The following ZNF875 variants were observed in gnomAD, a reference collection of about 807,000 sequenced individuals.
The protein encoded by ZNF875 is zinc finger protein 875.
A neutral mutation model predicts 11.2 loss-of-function variants in ZNF875; 14 were observed. That is an observed-to-expected ratio of 1.26 (90% CI 0.83 to 1.96). ZNF875 has a LOEUF of 1.96. ZNF875 is among the 30% of genes most tolerant of loss of function. The pLI, the probability that ZNF875 is intolerant of heterozygous loss-of-function variation, is 0.00. For synonymous variants in ZNF875, 301 were observed against 281.1 expected (o/e 1.07, Z -0.71); for missense variants, 752 against 760.4 (o/e 0.99, Z 0.13).
chr19:37,317,376 C>T (rs1035948577), upstream of ZNF875, among the ~76,000 whole-genome samples: 33 of 151,792 alleles, frequency 2.2e-4, no homozygotes, highest in African/African-American at 8.0e-4. Flanking sequence ...TCAGTAGAGA[C>T]GGGGTTTCAC....
chr19:37,363,113 C>T lies in ZNF875; in HGVS notation c.1261C>T (p.Pro421Ser). The T allele has an allele frequency of 6.2e-7, 1 of 1,613,882 alleles. No individual in the cohort carries two copies. Among genetic ancestry groups the T allele is most frequent in the African/African-American group, 1.3e-5 (1 of 74,958 alleles). Residue 421 changes from proline to serine, a missense_variant, in exon 5 of 5, where the codon CCT becomes TCT. Coordinates refer to ENST00000392153, the MANE Select transcript of ZNF875 (RefSeq NM_001353803.2). ...CTTAAGGACACACACAGGAGAGAAGCCTTATGTATGCACAGAATGTGGGCG... is the reference window on the plus strand; with the variant it reads ...CTTAAGGACACACACAGGAGAGAAGTCTTATGTATGCACAGAATGTGGGCG... ...RHLRTHTGEK[P>S]YVCTECGRHF...
intron 4 of ZNF875, chr19:37,325,164 C>T (rs754295986): frequency 6.6e-6 from 1 of 152,208 alleles, no homozygotes; most frequent in African/African-American, 2.4e-5. Flanking sequence ...CTGAATAGTT[C>T]TGTATGTCAG....
chr19:37,335,127 T>G (rs1599951052), intron 1 of ZNF875, 42 bp from the exon 2 acceptor site: 1 of 681,278 alleles, frequency 1.5e-6, no homozygotes, highest in Non-Finnish European at 2.7e-6. Flanking sequence ...GTGGGGAGGG[T>G]GTTTCCACCT....
At chr19:37,317,186 T>TTTG (rs1555790007), upstream of ZNF875, 3 of 131,330 alleles carry the variant, frequency 2.3e-5, no homozygotes, top group Non-Finnish European at 4.9e-5. Context: ...CTGGTTTTTT[T>TTTG]TTTTTTTTTT....
chr19:37,342,481 C>T lies in ZNF875; in HGVS notation c.34-4709C>T, dbSNP rs571385017. Reference sequence around the variant, plus strand: ...AGGCTGGAGTGCAATGGAGCGATATCGGCTCACTGCAACCTCCACCTCCCA... The same window carrying T: ...AGGCTGGAGTGCAATGGAGCGATATTGGCTCACTGCAACCTCCACCTCCCA... On this transcript the variant is annotated intron_variant, in intron 2 of 4. Transcript: ENST00000392153. Among the ~76,000 whole-genome samples, 47 of 147,374 alleles carry T rather than the reference C, an allele frequency of 3.2e-4. No individual in the cohort carries two copies. In the South Asian group the frequency reaches 5.7e-3, roughly 18 times the overall value.
chr19:37,358,191 C>T lies in ZNF875; in HGVS notation c.257-3918C>T, dbSNP rs184670165. ...ACGGAGTCTTGCTCTGTCACCCTGG[C>T]TGGAGTGCAGTGGCGCGATCTCGGC... On this transcript the variant is annotated intron_variant, in intron 4 of 4. Coordinates refer to ENST00000392153, the MANE Select transcript of ZNF875 (RefSeq NM_001353803.2). Among the ~76,000 whole-genome samples the T allele has an allele frequency of 3.4e-3, 434 of 126,998 alleles. 5 individuals carry two copies. The highest frequency in any genetic ancestry group is 0.018 in the Admixed American group (185 of 10,166). 83.3% of individuals were successfully genotyped at this position (126,998 alleles called of 152,430 possible). A position where few individuals can be genotyped will look rare whatever the true frequency, so the allele number is the denominator to read the frequency against.
chr19:37,322,628 A>G (rs1227558199), intron 2 of ZNF875, among the ~76,000 whole-genome samples: 1 of 152,174 alleles, frequency 6.6e-6, no homozygotes, highest in African/African-American at 2.4e-5. Flanking sequence ...AAATGGTGAC[A>G]CCCAGGGTGG....
chr19:37,356,031 T>C (rs180926528), intron 4 of ZNF875, among the ~76,000 whole-genome samples: 1 of 152,208 alleles, frequency 6.6e-6, no homozygotes, highest in Non-Finnish European at 1.5e-5. Context: ...CATAGGTTAT[T>C]TGATTTTCTG....
intron 4 of ZNF875, among the ~76,000 whole-genome samples, chr19:37,350,745 A>T (rs1296125669): frequency 6.6e-6 from 1 of 150,998 alleles, no homozygotes; most frequent in Non-Finnish European, 1.5e-5. Context: ...TCTTCCCTCC[A>T]ATCTTAACCC....
At chr19:37,332,385 T>C (rs2033539978), upstream of ZNF875, among the ~76,000 whole-genome samples, 1 of 151,938 alleles carries the variant, frequency 6.6e-6, no homozygotes, top group Non-Finnish European at 1.5e-5. Flanking sequence ...CCCAGCTAAT[T>C]TTTGTATTTT....
intron 1 of ZNF875, among the ~76,000 whole-genome samples, chr19:37,319,988 G>A (rs554517440): frequency 4.6e-5 from 7 of 152,276 alleles, no homozygotes; most frequent in South Asian, 2.1e-4. Context: ...CTGGGGTCAC[G>A]CCATTCTCCT....
chr19:37,360,110 G>T (rs944563397), intron 4 of ZNF875, among the ~76,000 whole-genome samples: 1 of 152,160 alleles, frequency 6.6e-6, no homozygotes, highest in Non-Finnish European at 1.5e-5. Context: ...TGTATCAAAT[G>T]AGGTGAAAAT....
At chr19:37,315,462 C>G (rs2030140562), upstream of ZNF875, 1 of 152,218 alleles carries the variant, frequency 6.6e-6, no homozygotes, top group South Asian at 2.1e-4. Context: ...CTTCTGGACT[C>G]TGTGGCTGGA....
chr19:37,328,069 C>T (rs2032803919), intron 4 of ZNF875, among the ~76,000 whole-genome samples: 1 of 152,024 alleles, frequency 6.6e-6, no homozygotes, highest in African/African-American at 2.4e-5. Flanking sequence ...CGGAGAAACC[C>T]CATCTTTACT....
At chr19:37,314,962 C>G (rs899350757), upstream of ZNF875, 1 of 152,212 alleles carries the variant, frequency 6.6e-6, no homozygotes, top group Middle Eastern at 3.4e-3. Flanking sequence ...TATATTTGCA[C>G]AGTTGTGCAA....
At chr19:37,359,835 A>G (rs1300417179) in intron 4 of ZNF875, 2 of 152,930 alleles carry the variant, frequency 1.3e-5, no homozygotes, top group Non-Finnish European at 2.9e-5. Context: ...CACAAGTCCT[A>G]TATCAATATA....
upstream of ZNF875, among the ~76,000 whole-genome samples, chr19:37,316,071 G>T (rs140970452): frequency 6.3e-3 from 958 of 152,252 alleles, 26 homozygotes; most frequent in East Asian, 0.052. Context: ...TATAGTAAAG[G>T]GTTAGTGGAA....
In ZNF875 at chr19:37,326,664, CTTT is replaced by C. The variant is rs35805509; in HGVS notation, c.-603+2418_-603+2420del. Among the ~76,000 whole-genome samples the C allele has an allele frequency of 1.0e-3, 91 of 88,082 alleles. No homozygotes were observed. In the East Asian group the frequency reaches 0.03, roughly 29 times the overall value. The allele number at this position is 88,082 out of a possible 152,430, so 57.8% of individuals were successfully genotyped here. ...CAAATTCTAAAGTTAAATTAGAAAG[CTTT>C]TTTTTTTTTTTTTTTTTTGAGTTGT... is the stretch of plus-strand genomic sequence containing the variant. On this transcript the variant is annotated intron_variant, in intron 4 of 5. Transcript: ENST00000544914.
At chr19:37,319,828 T>C (rs1426860846) in intron 1 of ZNF875, among the ~76,000 whole-genome samples, 1 of 152,178 alleles carries the variant, frequency 6.6e-6, no homozygotes, top group Non-Finnish European at 1.5e-5. Context: ...GTTGGTAACC[T>C]CAGCTCTTTC....
Sources: allele counts gnomAD v4.1 joint callset (sites outside exome capture counted in the v4.1 genomes callset), GRCh38; gene constraint gnomAD v4.1.1; transcripts MANE v1.5; gene names NCBI Gene and HGNC (gene_info 2026-07-23, HGNC 2026-07-21).